Variants in KIAA1217 observed in about 807,000 individuals in gnomAD.
KIAA1217 encodes the protein sickle tail protein homolog.
Under a neutral mutation model 163.9 loss-of-function variants are expected in KIAA1217, and 88 were observed. The observed-to-expected ratio is 0.54, with a 90% confidence interval of 0.45 to 0.64. The LOEUF (loss-of-function observed/expected upper bound fraction) is 0.64. Ranked by LOEUF, KIAA1217 falls within the 30% of genes least tolerant of loss-of-function variation. The probability of loss-of-function intolerance (pLI) is 0.00; values close to 1 mark genes in which losing one functional copy is unlikely to be tolerated. For missense variants in KIAA1217, 2,372 were observed against 2,475.0 expected, an observed-to-expected ratio of 0.96 and a Z score of 0.88; for synonymous variants, 903 against 923.1, an observed-to-expected ratio of 0.98 and a Z score of 0.39.
Position 24,309,350 on chromosome 10 carries a change from GCACACACACA to G in KIAA1217, c.355-71499_355-71490del, listed in dbSNP as rs760597469. ...CAAATAGGCGCGCGCACGCGCGCGC[GCACACACACA>G]CACACACACACACACACACGGGCTT... On this transcript the variant is annotated intron_variant, in intron 2 of 20. Coordinates refer to ENST00000376454, the MANE Select transcript of KIAA1217 (RefSeq NM_019590.5). 6.0e-5 allele frequency among the ~76,000 whole-genome samples: 8 copies of G among 132,342 alleles called. 1 individual carries two copies. Among genetic ancestry groups the G allele is most frequent in the African/African-American group, 2.7e-4 (8 of 29,330 alleles). 86.8% of individuals were successfully genotyped at this position (132,342 alleles called of 152,430 possible). A position where few individuals can be genotyped will look rare whatever the true frequency, so the allele number is the denominator to read the frequency against.
intron 1 of KIAA1217, among the ~76,000 whole-genome samples, chr10:23,726,953 CATT>C: frequency 6.8e-6 from 1 of 146,876 alleles, no homozygotes; most frequent in Non-Finnish European, 1.5e-5. Context: ...AATTCCATGC[CATT>C]TCCATGCCAT....
intron 1 of KIAA1217, among the ~76,000 whole-genome samples, chr10:23,975,967 C>T (rs1845522579): frequency 6.6e-6 from 1 of 152,140 alleles, no homozygotes; most frequent in African/African-American, 2.4e-5. Flanking sequence ...GCTCACTAGT[C>T]TATGTAGGGA....
At chr10:24,490,281 T>C (rs1330954950) in intron 6 of KIAA1217, among the ~76,000 whole-genome samples, 1 of 152,230 alleles carries the variant, frequency 6.6e-6, no homozygotes, top group Non-Finnish European at 1.5e-5. Context: ...TGTCATATTT[T>C]AAACCAAGCG....
intron 17 of KIAA1217, among the ~76,000 whole-genome samples, chr10:24,537,186 A>T (rs2074146189): frequency 6.6e-6 from 1 of 152,202 alleles, no homozygotes; most frequent in Non-Finnish European, 1.5e-5. Context: ...CTCTAGAAAG[A>T]AATATATAGA....
chr10:23,828,564 A>G (rs1335276192), intron 1 of KIAA1217, among the ~76,000 whole-genome samples: 1 of 152,202 alleles, frequency 6.6e-6, no homozygotes, highest in Non-Finnish European at 1.5e-5. Context: ...TTTTTGTCTA[A>G]AAGAGGAAGC....
intron 2 of KIAA1217, among the ~76,000 whole-genome samples, chr10:24,013,068 A>G (rs1258362326): frequency 6.6e-6 from 1 of 152,186 alleles, no homozygotes; most frequent in Non-Finnish European, 1.5e-5. Flanking sequence ...CACTCAAAGT[A>G]CATTGTAAAC....
intron 2 of KIAA1217, among the ~76,000 whole-genome samples, chr10:24,246,008 T>C (rs1460497203): frequency 6.6e-6 from 1 of 152,214 alleles, no homozygotes; most frequent in African/African-American, 2.4e-5. Context: ...GCCTGTGTTT[T>C]GGAGGGACCT....
rs1835273822 is a variant in KIAA1217 at position 23,781,857 on chromosome 10, T to A, written c.-321+86623T>A. Reference sequence around the variant, plus strand: ...TTCCCCTTTTGTCTTCTTGATGCTCTTGTCAAAAATTTGTTGACTATATAT... The same window carrying A: ...TTCCCCTTTTGTCTTCTTGATGCTCATGTCAAAAATTTGTTGACTATATAT... On this transcript the variant is annotated intron_variant, in intron 1 of 18. Transcript: ENST00000376462. Among the ~76,000 whole-genome samples, 4 of 152,208 alleles carry A rather than the reference T, an allele frequency of 2.6e-5. No individual in the cohort carries two copies. In the South Asian group the frequency reaches 8.3e-4, roughly 31 times the overall value.
chr10:23,924,501 C>A (rs1044960452), intron 1 of KIAA1217, among the ~76,000 whole-genome samples: 2 of 152,062 alleles, frequency 1.3e-5, no homozygotes, highest in African/African-American at 4.8e-5. Context: ...AAAATGAGAG[C>A]AGTAGAGTCT....
At chr10:23,731,982 T>C (rs1251493455) in intron 1 of KIAA1217, among the ~76,000 whole-genome samples, 1 of 152,152 alleles carries the variant, frequency 6.6e-6, no homozygotes, top group Non-Finnish European at 1.5e-5. Context: ...ACTCTTGTTA[T>C]ACATTGTTGG....
chr10:23,912,203 C>T (rs887272141), intron 1 of KIAA1217, among the ~76,000 whole-genome samples: 1 of 152,106 alleles, frequency 6.6e-6, no homozygotes, highest in African/African-American at 2.4e-5. Context: ...ATTAGGCCTC[C>T]AATTCTTAGC....
chr10:24,314,995 A>T (rs534202447), intron 2 of KIAA1217, among the ~76,000 whole-genome samples: 2 of 152,258 alleles, frequency 1.3e-5, no homozygotes, highest in East Asian at 3.9e-4. Context: ...TTCATCTAAG[A>T]ACCTACCCAT....
At chr10:24,269,166 A>T (rs1467606303) in intron 2 of KIAA1217, among the ~76,000 whole-genome samples, 1 of 148,378 alleles carries the variant, frequency 6.7e-6, no homozygotes, top group Non-Finnish European at 1.5e-5. Context: ...ATATGTAACT[A>T]ACCTGCACAA....
At chr10:23,804,227 T>G (rs186226386) in intron 1 of KIAA1217, among the ~76,000 whole-genome samples, 1 of 152,216 alleles carries the variant, frequency 6.6e-6, no homozygotes, top group East Asian at 1.9e-4. Context: ...TATTCAAATA[T>G]GACTTAAATC....
intron 1 of KIAA1217, among the ~76,000 whole-genome samples, chr10:23,895,113 A>AT (rs1181124082): frequency 2.6e-5 from 4 of 152,142 alleles, no homozygotes; most frequent in Non-Finnish European, 5.9e-5. Flanking sequence ...ACCAAAAGCA[A>AT]TGGCAACAAA....
intron 2 of KIAA1217, among the ~76,000 whole-genome samples, chr10:24,337,498 C>T (rs1333873460): frequency 6.6e-6 from 1 of 152,194 alleles, no homozygotes; most frequent in Non-Finnish European, 1.5e-5. Context: ...TGCCCATGCG[C>T]ATCACACTTC....
At chr10:24,359,171 C>T (rs182681575) in intron 2 of KIAA1217, among the ~76,000 whole-genome samples, 2 of 147,684 alleles carry the variant, frequency 1.4e-5, no homozygotes, top group African/African-American at 5.0e-5. Flanking sequence ...CTCACTGCAA[C>T]CTCCACCTCC....
rs141262179 is a variant in KIAA1217, at chr10:24,526,918, G to A, written c.2899-1018G>A. ...GAAACTTGGGCAAATTCTCCATCTC[G>A]CTGGACCTCAAAGTTCCCATATGTT... is the stretch of plus-strand genomic sequence containing the variant. On this transcript the variant is annotated intron_variant, in intron 13 of 20. Coordinates refer to ENST00000376454, the MANE Select transcript of KIAA1217 (RefSeq NM_019590.5). Among the ~76,000 whole-genome samples, 113 of 152,214 alleles carry A rather than the reference G, an allele frequency of 7.4e-4. 3 individuals carry two copies. The East Asian group carries it at 0.02, about 27-fold the overall frequency.
intron 1 of KIAA1217, among the ~76,000 whole-genome samples, chr10:23,717,661 T>C (rs1467610022): frequency 2.6e-5 from 4 of 152,134 alleles, no homozygotes; most frequent in Non-Finnish European, 5.9e-5. Flanking sequence ...AATAAAGATA[T>C]ATTCAATGAC....
Sources: gnomAD v4.1 joint callset for allele counts (sites outside exome capture counted in the v4.1 genomes callset) on GRCh38, gnomAD v4.1.1 for gene constraint, MANE v1.5 for transcripts, NCBI Gene and HGNC (gene_info 2026-07-23, HGNC 2026-07-21) for gene names.